RHOBTB2: variants seen among roughly 807,000 people sequenced by gnomAD.
The protein encoded by RHOBTB2 is rho-related BTB domain-containing protein 2.
In RHOBTB2, 39 loss-of-function variants were observed where a neutral mutation model predicts 66.5. That is an observed-to-expected ratio of 0.59 (90% CI 0.45 to 0.77). The LOEUF (loss-of-function observed/expected upper bound fraction) is 0.77, where lower values mean the gene tolerates loss of function less well. Ranked by LOEUF, RHOBTB2 falls within the 30% of genes least tolerant of loss-of-function variation. RHOBTB2 has a pLI of 0.00. For synonymous variants in RHOBTB2, 390 were observed against 395.0 expected (o/e 0.99, Z 0.15); for missense variants, 755 against 999.1 (o/e 0.76, Z 3.29).
chr8:22,999,695 A>T lies in RHOBTB2; in HGVS notation c.-421A>T, dbSNP rs1188265490. 8.5e-7 allele frequency: 1 copy of T among 1,176,304 alleles called. No individual in the cohort carries two copies. The highest frequency in any genetic ancestry group is 1.1e-6 in the Non-Finnish European group (1 of 934,484). 72.9% of individuals were successfully genotyped at this position (1,176,304 alleles called of 1,614,324 possible). On this transcript the variant is annotated 5_prime_UTR_variant, in exon 1 of 10. Transcript: ENST00000251822. The stretch of plus-strand genomic sequence containing the variant: ...GAGCGGTACCTGGGACTGCAGCGCC[A>T]GGCGTCTTCGCGGCAGCGCCTTCGC...
chr8:22,954,816 C>G, the RHOBTB2 span, among the ~76,000 whole-genome samples: 1 of 152,078 alleles, frequency 6.6e-6, no homozygotes, highest in African/African-American at 2.4e-5. Context: ...ATATCTAAAA[C>G]AAAAACCTTT....
chr8:23,000,491 G>A (rs924211740), intron 1 of RHOBTB2, among the ~76,000 whole-genome samples: 1 of 152,176 alleles, frequency 6.6e-6, no homozygotes, highest in Non-Finnish European at 1.5e-5. Context: ...GGCGGTTCCG[G>A]AGCTGGTTCT....
At chr8:22,962,942 G>A in the RHOBTB2 span, among the ~76,000 whole-genome samples, 809 of 152,354 alleles carry the variant, frequency 5.3e-3, 4 homozygotes, top group South Asian at 0.018. Context: ...GCACCCATGG[G>A]CAGGTAAGGG....
upstream of RHOBTB2, among the ~76,000 whole-genome samples, chr8:22,986,402 G>A (rs1452041961): frequency 6.6e-6 from 1 of 151,384 alleles, no homozygotes; most frequent in Non-Finnish European, 1.5e-5. Flanking sequence ...GGATAACTGG[G>A]ACTACAGTCA....
At chr8:22,959,895 G>A in the RHOBTB2 span, among the ~76,000 whole-genome samples, 65 of 151,422 alleles carry the variant, frequency 4.3e-4, 1 homozygote, top group African/African-American at 1.5e-3. Flanking sequence ...CGGGTGTGGT[G>A]GCTTATGTTT....
rs1811426727 is a variant in RHOBTB2 at position 23,019,572 on chromosome 8, G to A, written c.*2103G>A. On this transcript the variant is annotated 3_prime_UTR_variant, in exon 10 of 10. Coordinates refer to ENST00000251822, the MANE Select transcript of RHOBTB2 (RefSeq NM_015178.3). ...CACACCTGGGCCTCCCGGAAGCTGTGGACGAAAGGGAGAGCGGGTCCTCCA... is the reference window on the plus strand; with the variant it reads ...CACACCTGGGCCTCCCGGAAGCTGTAGACGAAAGGGAGAGCGGGTCCTCCA... The A allele has an allele frequency of 6.6e-6, 1 of 152,528 alleles. No homozygotes were observed. The highest frequency in any genetic ancestry group is 2.4e-5 in the African/African-American group (1 of 41,464). The allele number at this position is 152,528 out of a possible 1,614,324, so 9.4% of individuals were successfully genotyped here.
intron 2 of RHOBTB2, chr8:22,992,323 T>C (rs1376056893): frequency 1.3e-5 from 2 of 152,230 alleles, no homozygotes; most frequent in Non-Finnish European, 2.9e-5. Flanking sequence ...GGCTATTTTT[T>C]TTCCATGCTG....
At chr8:22,970,429 C>T in the RHOBTB2 span, among the ~76,000 whole-genome samples, 3 of 152,020 alleles carry the variant, frequency 2.0e-5, no homozygotes, top group Non-Finnish European at 4.4e-5. Flanking sequence ...TTGTTCAGAC[C>T]ATAGCATACA....
chr8:23,016,924 TGCTGAGTATCTCCTG>T (rs1264737305), intron 9 of RHOBTB2, among the ~76,000 whole-genome samples: 1 of 152,148 alleles, frequency 6.6e-6, no homozygotes, highest in Non-Finnish European at 1.5e-5. Context: ...CCCCTAACCA[TGCTGAGTATCTCCTG>T]GCTGACATTC....
chr8:22,970,887 A>C, the RHOBTB2 span, among the ~76,000 whole-genome samples: 1 of 152,126 alleles, frequency 6.6e-6, no homozygotes, highest in African/African-American at 2.4e-5. Context: ...TTGTCCCCTC[A>C]ATGTTGCACG....
Position 23,007,232 on chromosome 8 carries a change from TCACCACCAC to T in RHOBTB2, c.993_1001del (p.His332_His334del). On this transcript the variant is annotated inframe_deletion, in exon 5 of 10. Transcript: ENST00000251822. ...GCCACTCTGATCAACACCACCACCATCACCACCACCACCATGGGCGAGACTTCCTGCTCC... is the reference window on the plus strand; with the variant it reads ...GCCACTCTGATCAACACCACCACCATCACCATGGGCGAGACTTCCTGCTCC... The T allele has an allele frequency of 6.2e-7, 1 of 1,609,622 alleles. No homozygotes were observed. Among genetic ancestry groups the T allele is most frequent in the South Asian group, 1.1e-5 (1 of 90,858 alleles).
upstream of RHOBTB2, chr8:22,995,801 G>C (rs1035496022): frequency 1.3e-6 from 2 of 1,531,912 alleles, no homozygotes; most frequent in African/African-American, 2.8e-5. Flanking sequence ...GGGGATGGGG[G>C]GCGGAGCTCA....
At chr8:23,007,923 C>T (rs1811024295) in intron 5 of RHOBTB2, 70 bp from the exon 6 acceptor site, 7 of 1,519,240 alleles carry the variant, frequency 4.6e-6, no homozygotes, top group East Asian at 2.2e-5. Context: ...GAGGAGGCTC[C>T]GTGGCTCCCC....
chr8:22,997,301 G>A (rs542790300), upstream of RHOBTB2, among the ~76,000 whole-genome samples: 148 of 152,210 alleles, frequency 9.7e-4, 1 homozygote, highest in African/African-American at 3.5e-3. Context: ...AACCATGACA[G>A]CCCTAGAGGT....
chr8:22,973,083 C>T, the RHOBTB2 span, among the ~76,000 whole-genome samples: 1 of 119,842 alleles, frequency 8.3e-6, no homozygotes, highest in East Asian at 2.0e-4. Flanking sequence ...TCAGAAGTCT[C>T]CTGTTCAGGA....
At chr8:22,986,886 T>C (rs111695776), upstream of RHOBTB2, among the ~76,000 whole-genome samples, 2 of 152,254 alleles carry the variant, frequency 1.3e-5, no homozygotes, top group African/African-American at 2.4e-5. Flanking sequence ...TGTGAGCCGA[T>C]AGCTTTTCTG....
At chr8:22,999,509 C>G (rs540241234), upstream of RHOBTB2, 38 of 1,054,100 alleles carry the variant, frequency 3.6e-5, no homozygotes, top group Non-Finnish European at 3.2e-5. Context: ...CCCTCCCCGC[C>G]CCCCGAACGC....
chr8:22,958,685 C>T, the RHOBTB2 span, among the ~76,000 whole-genome samples: 13 of 150,652 alleles, frequency 8.6e-5, no homozygotes, highest in South Asian at 4.2e-4. Context: ...CCTGTGGTTC[C>T]GGCTACATGG....
chr8:23,010,714 C>T (rs1811120615), intron 7 of RHOBTB2, 26 bp downstream of exon 7: 3 of 1,611,026 alleles, frequency 1.9e-6, no homozygotes, highest in Non-Finnish European at 2.5e-6. Flanking sequence ...ACTCGGGGAC[C>T]TCCCCGCGGC....
Sources: gnomAD v4.1 joint callset for allele counts (sites outside exome capture counted in the v4.1 genomes callset) on GRCh38, gnomAD v4.1.1 for gene constraint, MANE v1.5 for transcripts, NCBI Gene and HGNC (gene_info 2026-07-23, HGNC 2026-07-21) for gene names.